The following STXBP6 variants were observed in gnomAD, a reference collection of about 807,000 sequenced individuals.
STXBP6 encodes syntaxin binding protein 6, also known as syntaxin-binding protein 6.
Under a neutral mutation model 26.9 loss-of-function variants are expected in STXBP6, and 21 were observed. The observed-to-expected ratio is 0.78, with a 90% CI of 0.55 to 1.12. The LOEUF (loss-of-function observed/expected upper bound fraction) is 1.12. Ranked by LOEUF, STXBP6 falls within the 50% of genes most tolerant of loss-of-function variation. The pLI is 0.00. For missense variants in STXBP6, 232 were observed against 257.9 expected, an observed-to-expected ratio of 0.90 and a Z score of 0.69; for synonymous variants, 97 against 92.6, an observed-to-expected ratio of 1.05 and a Z score of -0.27.
At chr14:24,996,864 C>CAAAA (rs753413417) in intron 1 of STXBP6, among the ~76,000 whole-genome samples, 6,646 of 60,698 alleles carry the variant, frequency 0.11, 452 homozygotes, top group African/African-American at 0.12. Flanking sequence ...AACTCTGTCT[C>CAAAA]AAAAAAAAAA....
chr14:24,876,562 T>A (rs1028823679), intron 2 of STXBP6, among the ~76,000 whole-genome samples: 4 of 152,068 alleles, frequency 2.6e-5, no homozygotes, highest in Non-Finnish European at 4.4e-5. Context: ...GCACAAGGGG[T>A]TTGACATAGA....
intron 2 of STXBP6, among the ~76,000 whole-genome samples, chr14:24,874,440 C>T (rs1284538058): frequency 6.6e-6 from 1 of 152,076 alleles, no homozygotes; most frequent in Non-Finnish European, 1.5e-5. Context: ...CCTAGTTCCA[C>T]CGACGGGTAC....
intron 4 of STXBP6, chr14:24,819,530 T>C: frequency 1.9e-6 from 1 of 517,512 alleles, no homozygotes; most frequent in Admixed American, 3.5e-5. Context: ...CTTGCAAAGA[T>C]AAATGAAAAC....
At chr14:24,879,322 C>G (rs902850548) in intron 2 of STXBP6, among the ~76,000 whole-genome samples, 3 of 152,092 alleles carry the variant, frequency 2.0e-5, no homozygotes, top group Non-Finnish European at 4.4e-5. Context: ...AGAAGTTTTC[C>G]TTCTTTAAAC....
chr14:24,915,339 C>T (rs993689251), intron 2 of STXBP6, among the ~76,000 whole-genome samples: 12 of 152,080 alleles, frequency 7.9e-5, no homozygotes, highest in Admixed American at 3.3e-4. Flanking sequence ...TGCTGAGTTA[C>T]CCAGACATTA....
chr14:24,990,728 T>C (rs1450318869), intron 1 of STXBP6, among the ~76,000 whole-genome samples: 1 of 146,642 alleles, frequency 6.8e-6, no homozygotes, highest in Non-Finnish European at 1.5e-5. Flanking sequence ...CAATTAGTAG[T>C]GGGAGCTGAA....
At chr14:24,869,115 T>A (rs942435667) in intron 2 of STXBP6, among the ~76,000 whole-genome samples, 1 of 152,232 alleles carries the variant, frequency 6.6e-6, no homozygotes, top group Non-Finnish European at 1.5e-5. Flanking sequence ...ATGCATCACA[T>A]GACATATCTC....
At chr14:24,960,001 T>A (rs996494056) in intron 2 of STXBP6, among the ~76,000 whole-genome samples, 1 of 152,206 alleles carries the variant, frequency 6.6e-6, no homozygotes, top group African/African-American at 2.4e-5. Flanking sequence ...CAAATAATTG[T>A]CTCAGCCAGA....
intron 2 of STXBP6, among the ~76,000 whole-genome samples, chr14:24,969,916 C>T (rs1182110670): frequency 1.3e-5 from 2 of 152,138 alleles, no homozygotes; most frequent in Admixed American, 1.3e-4. Context: ...GTTAATCTTT[C>T]CCACTAGCGA....
At chr14:24,932,954 C>A (rs1595138338) in intron 2 of STXBP6, among the ~76,000 whole-genome samples, 1 of 152,116 alleles carries the variant, frequency 6.6e-6, no homozygotes, top group Non-Finnish European at 1.5e-5. Flanking sequence ...GGTGACTGGG[C>A]AGCTGAATGT....
At chr14:25,015,020 A>G (rs2075116599) in intron 1 of STXBP6, among the ~76,000 whole-genome samples, 1 of 152,204 alleles carries the variant, frequency 6.6e-6, no homozygotes, top group South Asian at 2.1e-4. Flanking sequence ...CTGCTTTTAC[A>G]TAATATTTCA....
chr14:24,978,469 G>A (rs535117487), intron 1 of STXBP6, among the ~76,000 whole-genome samples: 2 of 152,326 alleles, frequency 1.3e-5, no homozygotes, highest in South Asian at 2.1e-4. Flanking sequence ...TTACGTCTTA[G>A]TGTTGGTAAA....
intron 2 of STXBP6, among the ~76,000 whole-genome samples, chr14:24,878,297 C>T (rs1038248001): frequency 4.6e-5 from 7 of 152,008 alleles, no homozygotes; most frequent in African/African-American, 1.7e-4. Flanking sequence ...GAAATCCTTC[C>T]CTACACCAAA....
intron 4 of STXBP6, among the ~76,000 whole-genome samples, chr14:24,822,565 A>G (rs2068165363): frequency 6.7e-6 from 1 of 148,750 alleles, no homozygotes; most frequent in Non-Finnish European, 1.5e-5. Flanking sequence ...GAGTGATTTA[A>G]TTTGTCTGAT....
intron 2 of STXBP6, among the ~76,000 whole-genome samples, chr14:24,863,033 C>A (rs1395832285): frequency 6.6e-6 from 1 of 151,990 alleles, no homozygotes; most frequent in Non-Finnish European, 1.5e-5. Flanking sequence ...TAATTTTAAA[C>A]CTTCTTTATT....
intron 3 of STXBP6, among the ~76,000 whole-genome samples, chr14:24,856,666 A>G (rs1411398765): frequency 6.6e-6 from 1 of 151,900 alleles, no homozygotes; most frequent in African/African-American, 2.4e-5. Flanking sequence ...TGGTAAATAC[A>G]CCTTGTCATT....
intron 1 of STXBP6, among the ~76,000 whole-genome samples, chr14:25,007,837 A>G (rs927687104): frequency 6.6e-6 from 1 of 152,192 alleles, no homozygotes; most frequent in East Asian, 1.9e-4. Flanking sequence ...CAGACAAGCC[A>G]CTTTTTGTAC....
intron 2 of STXBP6, among the ~76,000 whole-genome samples, chr14:24,868,241 T>C (rs900269819): frequency 2.6e-5 from 4 of 152,032 alleles, no homozygotes; most frequent in Admixed American, 2.0e-4. Flanking sequence ...AGAATATACA[T>C]TTAGAAACTC....
rs998802455 is a variant in STXBP6 at position 25,049,862 on chromosome 14, C to G, written c.-33+16G>C. On this transcript the variant is annotated intron_variant, in intron 1 of 5. Coordinates refer to ENST00000323944, the MANE Select transcript of STXBP6 (RefSeq NM_001394410.1). This position sits in a 1 kb window ranked among gnomAD's most constrained non-coding sequence, Gnocchi z 5.6. ...CCTCCGCCCTGACCGCCTGGCTCCC[C>G]TCGCCCCGGTCCTACCGTGCAGCCT... The G allele has an allele frequency of 2.0e-5, 20 of 985,430 alleles. No individual in the cohort carries two copies. Among genetic ancestry groups the G allele is most frequent in the Non-Finnish European group, 6.0e-6 (5 of 830,122 alleles). 61.0% of individuals were successfully genotyped at this position (985,430 alleles called of 1,614,324 possible).
Sources: gnomAD v4.1 joint callset for allele counts (sites outside exome capture counted in the v4.1 genomes callset) on GRCh38, gnomAD v4.1.1 for gene constraint, Gnocchi (gnomAD v3.1) non-coding constraint, MANE v1.5 for transcripts, NCBI Gene and HGNC (gene_info 2026-07-23, HGNC 2026-07-21) for gene names.